GPBP1: variants seen among roughly 807,000 people sequenced by gnomAD.
GPBP1 encodes the protein GC-rich promoter binding protein 1.
In GPBP1, 13 loss-of-function variants were observed where a neutral mutation model predicts 56.5. That is an observed-to-expected ratio of 0.23 (90% CI 0.15 to 0.37). The LOEUF is 0.37. Ranked by LOEUF, GPBP1 falls within the 10% of genes least tolerant of loss-of-function variation. The pLI, the probability that GPBP1 is intolerant of heterozygous loss-of-function variation, is 1.00. For missense variants in GPBP1, 477 were observed against 572.3 expected (o/e 0.83, Z 1.70); for synonymous variants, 204 against 188.9 (o/e 1.08, Z -0.66).
chr5:57,258,330 A>G, intron 10 of GPBP1, among the ~76,000 whole-genome samples: 1 of 152,236 alleles, frequency 6.6e-6, no homozygotes, highest in Middle Eastern at 3.4e-3. Context: ...TGAAACTCAT[A>G]GAGTGTACTT....
chr5:57,226,726 ATTCTTTTTTTTTT>A (rs1561354518), intron 3 of GPBP1, among the ~76,000 whole-genome samples: 1 of 46,300 alleles, frequency 2.2e-5, no homozygotes. Context: ...TAATTTTTGT[ATTCTTTTTTTTTT>A]TTTTTTTTTT....
chr5:57,259,458 T>C (rs1187693224), intron 10 of GPBP1, among the ~76,000 whole-genome samples: 1 of 152,178 alleles, frequency 6.6e-6, no homozygotes, highest in Non-Finnish European at 1.5e-5. Context: ...TGATAAAAAC[T>C]ATTAACTCTG....
intron 2 of GPBP1, among the ~76,000 whole-genome samples, chr5:57,209,958 T>C (rs1446882467): frequency 6.6e-6 from 1 of 152,210 alleles, no homozygotes; most frequent in African/African-American, 2.4e-5. Context: ...TGGTTGATTT[T>C]GGGTGTTTTT....
At chr5:57,251,232 G>A (rs6893468) in intron 10 of GPBP1, 91 bp downstream of exon 10, 669,925 of 1,097,476 alleles carry the variant, frequency 0.61, 210,200 homozygotes, top group East Asian at 0.98. Flanking sequence ...AGGTTTATTG[G>A]AATACAACTT....
chr5:57,201,565 A>G (rs1755024768), intron 2 of GPBP1, among the ~76,000 whole-genome samples: 1 of 152,246 alleles, frequency 6.6e-6, no homozygotes, highest in Admixed American at 6.5e-5. Context: ...CTAGGATTTT[A>G]CATAGTTCAG....
chr5:57,234,118 T>G (rs1756570061), intron 5 of GPBP1, among the ~76,000 whole-genome samples: 1 of 152,224 alleles, frequency 6.6e-6, no homozygotes, highest in Admixed American at 6.5e-5. Flanking sequence ...GTGGTATGCA[T>G]GTATATTTGC....
At chr5:57,226,124 G>A (rs1237939793) in intron 3 of GPBP1, among the ~76,000 whole-genome samples, 1 of 152,186 alleles carries the variant, frequency 6.6e-6, no homozygotes, top group South Asian at 2.1e-4. Flanking sequence ...ATGAGATACA[G>A]GACATCTCTC....
rs549825297 is a variant in GPBP1 at position 57,199,248 on chromosome 5, T to C, written c.-57-14826T>C. On this transcript the variant is annotated intron_variant, in intron 2 of 11. Coordinates refer to ENST00000506184, the MANE Select transcript of GPBP1 (RefSeq NM_022913.4). ...CTTGTTTTGTAGATATAACAAAAGT[T>C]AGCTGTGTCATAGTGGTTATTTAGT... Among the ~76,000 whole-genome samples, 3 of 152,332 alleles carry C rather than the reference T, an allele frequency of 2.0e-5. No individual in the cohort carries two copies. In the South Asian group the frequency reaches 6.2e-4, roughly 32 times the overall value.
intron 6 of GPBP1, among the ~76,000 whole-genome samples, chr5:57,241,792 A>C (rs1012498354): frequency 2.0e-5 from 3 of 152,188 alleles, no homozygotes; most frequent in African/African-American, 7.2e-5. Context: ...TCAATATATA[A>C]GTTTTCTCTT....
chr5:57,178,572 G>C (rs1232251119), intron 2 of GPBP1, among the ~76,000 whole-genome samples: 3 of 152,132 alleles, frequency 2.0e-5, no homozygotes, highest in Middle Eastern at 3.2e-3. Context: ...TGCCATTACT[G>C]ATATTGTTAA....
chr5:57,201,321 T>C (rs568173594), intron 2 of GPBP1, among the ~76,000 whole-genome samples: 1 of 152,242 alleles, frequency 6.6e-6, no homozygotes, highest in Admixed American at 6.5e-5. Context: ...AGAAAGACTT[T>C]AATTGATGCA....
At chr5:57,209,017 T>C (rs1247959114) in intron 2 of GPBP1, among the ~76,000 whole-genome samples, 1 of 152,198 alleles carries the variant, frequency 6.6e-6, no homozygotes, top group Non-Finnish European at 1.5e-5. Context: ...TAGTTTTTGG[T>C]GTGCAAGTCT....
chr5:57,217,529 C>T (rs187542470), intron 3 of GPBP1, among the ~76,000 whole-genome samples: 3 of 151,228 alleles, frequency 2.0e-5, no homozygotes, highest in Non-Finnish European at 2.9e-5. Context: ...CGAGATTGTG[C>T]CATTGCACTC....
rs546543923 is a variant in GPBP1 at position 57,201,817 on chromosome 5, A to C, written c.-57-12257A>C. Among the ~76,000 whole-genome samples, 8 of 152,312 alleles carry C rather than the reference A, an allele frequency of 5.3e-5. No homozygotes were observed. The East Asian group carries it at 1.5e-3, about 29-fold the overall frequency. ...GGGTCAGGAGAATGGGTTTGTTAAC[A>C]TTCAGTAATTGCTGTGGGAAAGTTT... On this transcript the variant is annotated intron_variant, in intron 2 of 11. Transcript: ENST00000506184.
chr5:57,209,720 A>G (rs1397015747), intron 2 of GPBP1, among the ~76,000 whole-genome samples: 3 of 152,066 alleles, frequency 2.0e-5, no homozygotes, highest in African/African-American at 7.2e-5. Flanking sequence ...ATTTTGTCAA[A>G]TGCTTTTTCT....
At chr5:57,208,591 T>G (rs540512778) in intron 2 of GPBP1, among the ~76,000 whole-genome samples, 4 of 152,100 alleles carry the variant, frequency 2.6e-5, no homozygotes, top group South Asian at 4.2e-4. Flanking sequence ...TTGGGTAGTG[T>G]TGTTGTCTTA....
intron 5 of GPBP1, among the ~76,000 whole-genome samples, chr5:57,232,737 G>A (rs892621182): frequency 6.6e-6 from 1 of 152,146 alleles, no homozygotes; most frequent in African/African-American, 2.4e-5. Flanking sequence ...TCCTTTGTTC[G>A]GTGTACTCTC....
At chr5:57,203,494 C>T (rs1755103911) in intron 2 of GPBP1, among the ~76,000 whole-genome samples, 1 of 151,950 alleles carries the variant, frequency 6.6e-6, no homozygotes, top group African/African-American at 2.4e-5. Context: ...AAAAATTTAG[C>T]CAGGCCCATG....
At chr5:57,235,239 G>A (rs1262027429) in intron 5 of GPBP1, among the ~76,000 whole-genome samples, 1 of 151,986 alleles carries the variant, frequency 6.6e-6, no homozygotes, top group South Asian at 2.1e-4. Flanking sequence ...CCCTGGAGGC[G>A]GAGGTTCCAG....
Sources: gnomAD v4.1 joint callset for allele counts (sites outside exome capture counted in the v4.1 genomes callset) on GRCh38, gnomAD v4.1.1 for gene constraint, MANE v1.5 for transcripts, NCBI Gene and HGNC (gene_info 2026-07-23, HGNC 2026-07-21) for gene names.